ROBO1: variants seen among roughly 807,000 people sequenced by gnomAD.
ROBO1 encodes the protein roundabout guidance receptor 1, also known as roundabout homolog 1.
A neutral mutation model predicts 195.9 loss-of-function variants in ROBO1; 149 were observed. The ratio of observed to expected loss-of-function variants is 0.76; its 90% CI spans 0.67 to 0.87. The LOEUF is 0.87. ROBO1 is among the 40% of genes least tolerant of loss of function. The pLI is 0.00. For synonymous variants in ROBO1, 816 were observed against 733.2 expected, an observed-to-expected ratio of 1.11 and a Z score of -1.82; for missense variants, 1,933 against 2,068.3, an observed-to-expected ratio of 0.93 and a Z score of 1.27.
At chr3:78,876,426 C>T (rs2035851423) in intron 4 of ROBO1, among the ~76,000 whole-genome samples, 1 of 151,992 alleles carries the variant, frequency 6.6e-6, no homozygotes, top group Non-Finnish European at 1.5e-5. Flanking sequence ...GTCGTATAGT[C>T]TATTAATAAG....
At chr3:79,030,051 T>G (rs1294902045) in intron 3 of ROBO1, among the ~76,000 whole-genome samples, 1 of 152,236 alleles carries the variant, frequency 6.6e-6, no homozygotes, top group Non-Finnish European at 1.5e-5. Context: ...ACAAAAAGTA[T>G]GATCAAGAAG....
chr3:79,092,365 GC>G (rs2079493805), intron 3 of ROBO1, among the ~76,000 whole-genome samples: 1 of 152,064 alleles, frequency 6.6e-6, no homozygotes, highest in Non-Finnish European at 1.5e-5. Flanking sequence ...ATTTTGAGAA[GC>G]CTTAGATGTC....
intron 2 of ROBO1, among the ~76,000 whole-genome samples, chr3:79,149,277 C>T (rs2080716308): frequency 6.6e-6 from 1 of 151,824 alleles, no homozygotes; most frequent in African/African-American, 2.4e-5. Context: ...TTCCAATATC[C>T]CAAGGCTCAA....
chr3:78,922,703 G>A (rs1342762440), intron 4 of ROBO1, among the ~76,000 whole-genome samples: 3 of 148,362 alleles, frequency 2.0e-5, no homozygotes, highest in African/African-American at 7.5e-5. Context: ...TCTGCCTCCC[G>A]GGTTCAAGCG....
At chr3:78,703,754 G>GTATATACATATA (rs1559764201) in intron 8 of ROBO1, among the ~76,000 whole-genome samples, 2 of 151,532 alleles carry the variant, frequency 1.3e-5, no homozygotes, top group African/African-American at 4.9e-5. Flanking sequence ...GAATATGTGT[G>GTATATACATATA]TATATACATA....
chr3:79,630,219 G>A (rs985847688), intron 1 of ROBO1, among the ~76,000 whole-genome samples: 1 of 152,018 alleles, frequency 6.6e-6, no homozygotes, highest in African/African-American at 2.4e-5. Context: ...TATCTCTGAT[G>A]AAAATAGATG....
At chr3:79,096,700 T>A (rs993977222) in intron 3 of ROBO1, among the ~76,000 whole-genome samples, 11 of 150,514 alleles carry the variant, frequency 7.3e-5, no homozygotes, top group African/African-American at 2.4e-4. Flanking sequence ...ACACACATAT[T>A]TATATATGTA....
intron 2 of ROBO1, among the ~76,000 whole-genome samples, chr3:79,208,915 C>T (rs2081921772): frequency 6.6e-6 from 1 of 152,062 alleles, no homozygotes; most frequent in African/African-American, 2.4e-5. Flanking sequence ...GCAAAAGAGT[C>T]ACAATGAAGT....
intron 2 of ROBO1, among the ~76,000 whole-genome samples, chr3:79,409,165 G>C (rs2037669934): frequency 6.6e-6 from 1 of 152,032 alleles, no homozygotes; most frequent in African/African-American, 2.4e-5. Context: ...ACATTAAAGT[G>C]TCTCAAGACC....
chr3:79,661,056 G>T lies in ROBO1; in HGVS notation c.-50-71095C>A, dbSNP rs183292712. Among the ~76,000 whole-genome samples, 4 of 152,162 alleles carry T rather than the reference G, an allele frequency of 2.6e-5. No homozygotes were observed. The East Asian group carries it at 7.8e-4, about 30-fold the overall frequency. On this transcript the variant is annotated intron_variant, in intron 1 of 30. Coordinates refer to ENST00000464233, the MANE Select transcript of ROBO1 (RefSeq NM_002941.4). ...TTTATACTAAAAAGTAGATAGAGAG[G>T]CACAAAGGATGAACTTTGATGGACA...
intron 2 of ROBO1, among the ~76,000 whole-genome samples, chr3:79,506,624 T>C (rs1216144147): frequency 6.6e-6 from 1 of 152,110 alleles, no homozygotes; most frequent in Non-Finnish European, 1.5e-5. Flanking sequence ...TTTGTACTTT[T>C]AGTAGAGACA....
chr3:78,640,833 T>C (rs1041942149), intron 21 of ROBO1, among the ~76,000 whole-genome samples: 2 of 152,188 alleles, frequency 1.3e-5, no homozygotes, highest in African/African-American at 4.8e-5. Context: ...TGCAAAGATT[T>C]TCTTGGTGGT....
intron 10 of ROBO1, among the ~76,000 whole-genome samples, chr3:78,678,551 A>G (rs1343699951): frequency 6.6e-6 from 1 of 152,188 alleles, no homozygotes; most frequent in Non-Finnish European, 1.5e-5. Flanking sequence ...AAACACCTCT[A>G]CGCAAATAAA....
In ROBO1 at chr3:79,110,096, G is replaced by T. The variant is rs770623756; in HGVS notation, c.172+15360C>A. On this transcript the variant is annotated intron_variant, in intron 3 of 30. Coordinates refer to ENST00000464233, the MANE Select transcript of ROBO1 (RefSeq NM_002941.4). Reference sequence around the variant, plus strand: ...AATTGCTTTAATCTCTTTCTCACTCGGTCCCTTCAGGTACAAAATGGGGAC... The same window carrying T: ...AATTGCTTTAATCTCTTTCTCACTCTGTCCCTTCAGGTACAAAATGGGGAC... Among the ~76,000 whole-genome samples the T allele has an allele frequency of 2.3e-4, 35 of 151,984 alleles. 1 individual carries two copies. The highest frequency in any genetic ancestry group is 3.4e-3 in the Middle Eastern group (1 of 294).
chr3:79,140,092 A>T (rs2080493744), intron 2 of ROBO1, among the ~76,000 whole-genome samples: 1 of 152,120 alleles, frequency 6.6e-6, no homozygotes, highest in African/African-American at 2.4e-5. Flanking sequence ...TTGAGGTACG[A>T]TGATCACATC....
intron 2 of ROBO1, among the ~76,000 whole-genome samples, chr3:79,133,494 C>T (rs2080332106): frequency 9.5e-6 from 1 of 105,196 alleles, no homozygotes; most frequent in Admixed American, 1.1e-4. Flanking sequence ...GAGGCTTCTG[C>T]ATTCTTCACA....
chr3:79,007,524 C>T (rs978454101), intron 3 of ROBO1, among the ~76,000 whole-genome samples: 6 of 152,112 alleles, frequency 3.9e-5, no homozygotes, highest in Admixed American at 1.3e-4. Flanking sequence ...TATCCATAAC[C>T]TCAAAGAAAA....
chr3:79,591,671 T>C (rs1036319198), intron 1 of ROBO1, among the ~76,000 whole-genome samples: 5 of 151,936 alleles, frequency 3.3e-5, no homozygotes, highest in African/African-American at 1.2e-4. Flanking sequence ...CAGTTATTAG[T>C]TTGTCCAAAA....
Position 79,417,369 on chromosome 3 carries a change from T to C in ROBO1, c.88+172455A>G, listed in dbSNP as rs188030864. ...GGGAACTGATGTTTGCTAACAATCA[T>C]GTGAGTGAGTTGATGGACTAAAATG... On this transcript the variant is annotated intron_variant, in intron 2 of 30. Transcript: ENST00000464233. 2.9e-3 allele frequency among the ~76,000 whole-genome samples: 436 copies of C among 152,220 alleles called. 2 individuals are homozygous for C. The highest frequency in any genetic ancestry group is 9.1e-3 in the African/African-American group (378 of 41,562).
Sources: gnomAD v4.1 joint callset for allele counts (sites outside exome capture counted in the v4.1 genomes callset) on GRCh38, gnomAD v4.1.1 for gene constraint, MANE v1.5 for transcripts, NCBI Gene and HGNC (gene_info 2026-07-23, HGNC 2026-07-21) for gene names.